Variants in SOX5 observed in about 807,000 individuals in gnomAD.
SOX5 encodes SRY-box transcription factor 5, also known as transcription factor SOX-5.
A neutral mutation model predicts 92.0 loss-of-function variants in SOX5; 9 were observed. That is an observed-to-expected ratio of 0.10 (90% confidence interval 0.06 to 0.17). The LOEUF (loss-of-function observed/expected upper bound fraction) is 0.17. Ranked by LOEUF, SOX5 falls within the 10% of genes least tolerant of loss-of-function variation. SOX5 has a pLI of 1.00. For synonymous variants in SOX5, 344 were observed against 336.3 expected (o/e 1.02, Z -0.25); for missense variants, 642 against 944.5 (o/e 0.68, Z 4.20).
chr12:23,681,504 T>G (rs2139813797), intron 6 of SOX5, among the ~76,000 whole-genome samples: 1 of 151,842 alleles, frequency 6.6e-6, no homozygotes, highest in South Asian at 2.1e-4. Context: ...ACAAGAGATA[T>G]ACTTAAATCA....
At chr12:23,815,508 A>C (rs2095973085) in intron 3 of SOX5, among the ~76,000 whole-genome samples, 1 of 152,198 alleles carries the variant, frequency 6.6e-6, no homozygotes, top group Non-Finnish European at 1.5e-5. Context: ...CATATGTCTT[A>C]AATGGTCCAT....
chr12:24,236,904 C>T (rs1333467941), intron 3 of SOX5, among the ~76,000 whole-genome samples: 1 of 139,038 alleles, frequency 7.2e-6, no homozygotes, highest in Non-Finnish European at 1.6e-5. Context: ...TCAGTATCCA[C>T]AACTCAAAAA....
chr12:23,820,616 G>A (rs568698035), intron 3 of SOX5, among the ~76,000 whole-genome samples: 2 of 152,232 alleles, frequency 1.3e-5, no homozygotes, highest in South Asian at 4.1e-4. Context: ...TATAGGGAAG[G>A]GGTCCAATTT....
Position 23,799,599 on chromosome 12 carries a change from G to T in SOX5, c.482-43875C>A, listed in dbSNP as rs1007673858. Among the ~76,000 whole-genome samples, 6 of 152,098 alleles carry T rather than the reference G, an allele frequency of 3.9e-5. No individual in the cohort carries two copies. The East Asian group carries it at 1.2e-3, about 29-fold the overall frequency. The stretch of plus-strand genomic sequence containing the variant: ...CTACATAGGGAGGATTTCTCCAAGA[G>T]AAATTTATACTAGAAAAATTCATGT... On this transcript the variant is annotated intron_variant, in intron 3 of 14. Transcript: ENST00000451604.
intron 4 of SOX5, among the ~76,000 whole-genome samples, chr12:24,012,737 A>T (rs1426369124): frequency 2.6e-5 from 4 of 152,164 alleles, no homozygotes; most frequent in Non-Finnish European, 5.9e-5. Flanking sequence ...ATCCATTTTT[A>T]ACCACTGTTT....
In SOX5 at chr12:23,533,206, A is replaced by T. The variant is rs1159818966; in HGVS notation, c.*1013T>A. ...TCCCCAGATGTGGGTTTAACTCACA[A>T]TGGTCCAACGTTATTCCTATTATTA... On this transcript the variant is annotated 3_prime_UTR_variant, in exon 15 of 15. Transcript: ENST00000451604. 1 of 456,462 alleles carries T rather than the reference A, an allele frequency of 2.2e-6. No individual in the cohort carries two copies. Among genetic ancestry groups the T allele is most frequent in the South Asian group, 1.5e-5 (1 of 64,538 alleles). The allele number at this position is 456,462 out of a possible 1,614,324, so 28.3% of individuals were successfully genotyped here. A position where few individuals can be genotyped will look rare whatever the true frequency, so the allele number is the denominator to read the frequency against.
At chr12:23,567,230 C>T (rs778281559) in intron 10 of SOX5, among the ~76,000 whole-genome samples, 2 of 151,946 alleles carry the variant, frequency 1.3e-5, no homozygotes, top group African/African-American at 4.8e-5. Context: ...TTTTATTCTG[C>T]CTTCATTATA....
At chr12:23,684,382 AAG>A in intron 6 of SOX5, among the ~76,000 whole-genome samples, 1 of 152,118 alleles carries the variant, frequency 6.6e-6, no homozygotes, top group East Asian at 1.9e-4. Context: ...CCTGGAGAGA[AAG>A]AGAAATATTC....
chr12:23,763,807 C>A (rs2094631734), intron 3 of SOX5, among the ~76,000 whole-genome samples: 1 of 151,984 alleles, frequency 6.6e-6, no homozygotes, highest in Non-Finnish European at 1.5e-5. Flanking sequence ...GTCATTCAAC[C>A]AATGGTAATA....
intron 4 of SOX5, among the ~76,000 whole-genome samples, chr12:24,021,489 G>A (rs1445262239): frequency 2.6e-5 from 4 of 152,056 alleles, no homozygotes; most frequent in African/African-American, 4.8e-5. Context: ...CCACACCAAC[G>A]AGCTATTAAT....
At chr12:24,413,165 A>G (rs1312273977) in intron 1 of SOX5, among the ~76,000 whole-genome samples, 1 of 152,180 alleles carries the variant, frequency 6.6e-6, no homozygotes, top group Non-Finnish European at 1.5e-5. Flanking sequence ...TCTTCGAATA[A>G]CATTGTGAGT....
intron 4 of SOX5, among the ~76,000 whole-genome samples, chr12:24,145,284 A>G (rs892840932): frequency 1.4e-4 from 21 of 152,322 alleles, no homozygotes; most frequent in African/African-American, 4.8e-4. Context: ...TAAGCAAAAA[A>G]CAAATGGGAC....
At chr12:24,358,409 T>C (rs1341348197) in intron 2 of SOX5, among the ~76,000 whole-genome samples, 1 of 152,140 alleles carries the variant, frequency 6.6e-6, no homozygotes, top group Non-Finnish European at 1.5e-5. Context: ...TTCTCTGAAG[T>C]GTTCCTTTCT....
intron 7 of SOX5, among the ~76,000 whole-genome samples, chr12:23,663,115 T>G (rs934880190): frequency 6.6e-6 from 1 of 152,146 alleles, no homozygotes; most frequent in African/African-American, 2.4e-5. Flanking sequence ...TTCCACCCAG[T>G]TCTTCATTCA....
At chr12:24,032,816 T>C (rs1955643330) in intron 4 of SOX5, among the ~76,000 whole-genome samples, 1 of 151,972 alleles carries the variant, frequency 6.6e-6, no homozygotes, top group Non-Finnish European at 1.5e-5. Flanking sequence ...AATCTGTTAA[T>C]GAATAGCATT....
At chr12:23,767,137 G>A (rs1318776141) in intron 3 of SOX5, among the ~76,000 whole-genome samples, 3 of 151,602 alleles carry the variant, frequency 2.0e-5, no homozygotes, top group Non-Finnish European at 2.9e-5. Flanking sequence ...AGCCTGGGAG[G>A]TAGAGGCTGC....
chr12:24,048,448 A>G (rs1957252634), intron 4 of SOX5, among the ~76,000 whole-genome samples: 1 of 152,166 alleles, frequency 6.6e-6, no homozygotes, highest in African/African-American at 2.4e-5. Context: ...AAAATATTAA[A>G]CATAGAGCTA....
At chr12:24,028,722 T>C (rs1157701706) in intron 4 of SOX5, among the ~76,000 whole-genome samples, 1 of 152,028 alleles carries the variant, frequency 6.6e-6, no homozygotes, top group East Asian at 1.9e-4. Flanking sequence ...AAATGAATAA[T>C]AATGAATGTA....
chr12:23,719,028 T>C (rs949663335), intron 6 of SOX5, among the ~76,000 whole-genome samples: 2 of 152,184 alleles, frequency 1.3e-5, no homozygotes, highest in African/African-American at 4.8e-5. Flanking sequence ...ATAGCATACA[T>C]GGTTTTGAGA....
Sources: allele counts gnomAD v4.1 joint callset (sites outside exome capture counted in the v4.1 genomes callset), GRCh38; gene constraint gnomAD v4.1.1; transcripts MANE v1.5; gene names NCBI Gene and HGNC (gene_info 2026-07-23, HGNC 2026-07-21).